CUX1: variants seen among roughly 807,000 people sequenced by gnomAD.
The protein encoded by CUX1 is protein CASP.
In CUX1, 31 loss-of-function variants were observed where a neutral mutation model predicts 158.8. The observed-to-expected ratio is 0.20, with a 90% CI of 0.15 to 0.26. The LOEUF is 0.26. CUX1 is among the 10% of genes least tolerant of loss of function. CUX1 has a pLI of 1.00. For synonymous variants in CUX1, 879 were observed against 862.1 expected (o/e 1.02, Z -0.34); for missense variants, 1,589 against 2,014.6 (o/e 0.79, Z 4.04).
intron 2 of CUX1, among the ~76,000 whole-genome samples, chr7:101,958,395 T>C (rs1810023026): frequency 6.6e-6 from 1 of 150,632 alleles, no homozygotes; most frequent in Non-Finnish European, 1.5e-5. Context: ...AGCAGCAAGA[T>C]GTGAGAATAT....
chr7:102,162,274 AC>A (rs1790522312), intron 9 of CUX1, among the ~76,000 whole-genome samples: 1 of 151,980 alleles, frequency 6.6e-6, no homozygotes, highest in Non-Finnish European at 1.5e-5. Flanking sequence ...GCGAGAGGAA[AC>A]TTTTTTGTTT....
intron 22 of CUX1, among the ~76,000 whole-genome samples, chr7:102,238,832 G>T (rs1205318529): frequency 1.3e-5 from 2 of 152,210 alleles, no homozygotes; most frequent in African/African-American, 2.4e-5. Context: ...GCAGGTCCTT[G>T]GTGAGCATGT....
chr7:102,139,262 A>AC (rs1215436566), intron 8 of CUX1, among the ~76,000 whole-genome samples: 4 of 151,476 alleles, frequency 2.6e-5, no homozygotes, highest in Non-Finnish European at 4.4e-5. Flanking sequence ...AAAAAAAAAA[A>AC]AAAAAGGAAT....
intron 14 of CUX1, among the ~76,000 whole-genome samples, chr7:102,273,193 C>T (rs960783278): frequency 6.6e-6 from 1 of 152,136 alleles, no homozygotes; most frequent in Non-Finnish European, 1.5e-5. Flanking sequence ...GGAGGAGGCC[C>T]TAGGTCTAAT....
At chr7:101,951,435 T>C (rs1243140888) in intron 2 of CUX1, among the ~76,000 whole-genome samples, 1 of 152,106 alleles carries the variant, frequency 6.6e-6, no homozygotes, top group Non-Finnish European at 1.5e-5. Flanking sequence ...CTATAAACTC[T>C]TGCAGAAAAG....
intron 4 of CUX1, among the ~76,000 whole-genome samples, chr7:102,082,887 TATGA>T (rs1478317521): frequency 6.8e-6 from 1 of 147,676 alleles, no homozygotes; most frequent in East Asian, 1.9e-4. Flanking sequence ...TTGTGGGTAT[TATGA>T]ATCAGTCTAT....
chr7:101,978,087 G>A (rs978888908), intron 2 of CUX1, among the ~76,000 whole-genome samples: 4 of 152,010 alleles, frequency 2.6e-5, no homozygotes, highest in East Asian at 3.9e-4. Flanking sequence ...CATAAGTCTC[G>A]GGGACCTGCC....
chr7:102,005,853 A>G (rs1321286086), intron 2 of CUX1, among the ~76,000 whole-genome samples: 9 of 152,118 alleles, frequency 5.9e-5, no homozygotes, highest in Admixed American at 5.9e-4. Context: ...GGCCCTTTCG[A>G]TGAAGTAAGA....
At position 101,817,857 on chromosome 7, in the gene CUX1, A is replaced by G. The variant is rs764252670; in HGVS notation, c.30+188A>G. ...CCCAACTGCTAAGGTGTGCGTGAAGATAAACTTGGCTGAACTTTCCTAACC... is the reference window on the plus strand; with the variant it reads ...CCCAACTGCTAAGGTGTGCGTGAAGGTAAACTTGGCTGAACTTTCCTAACC... On this transcript the variant is annotated intron_variant, in intron 1 of 23. Coordinates refer to ENST00000292535, the MANE Select transcript of CUX1 (RefSeq NM_181552.4). This position sits in a 1 kb window ranked among gnomAD's most constrained non-coding sequence, Gnocchi z 4.1. Among the ~76,000 whole-genome samples, 1 of 152,214 alleles carries G rather than the reference A, an allele frequency of 6.6e-6. No individual in the cohort carries two copies. Among genetic ancestry groups the G allele is most frequent in the Non-Finnish European group, 1.5e-5 (1 of 68,038 alleles).
chr7:102,139,244 T>TAA (rs11459794), intron 8 of CUX1, among the ~76,000 whole-genome samples: 6,558 of 92,848 alleles, frequency 0.071, 363 homozygotes, highest in Middle Eastern at 0.14. Flanking sequence ...GACTACATCT[T>TAA]AAAAAAAAAA....
At chr7:102,113,019 C>T (rs1831090629) in intron 7 of CUX1, among the ~76,000 whole-genome samples, 1 of 151,540 alleles carries the variant, frequency 6.6e-6, no homozygotes, top group South Asian at 2.1e-4. Context: ...ATTTGACAAA[C>T]GGATAATTAA....
chr7:102,268,599 T>A (rs1790978166), intron 14 of CUX1, among the ~76,000 whole-genome samples: 1 of 152,208 alleles, frequency 6.6e-6, no homozygotes, highest in Non-Finnish European at 1.5e-5. Flanking sequence ...TATTAGCTGT[T>A]CTTGCATTGC....
rs986311123 is a variant in CUX1 at position 102,128,372 on chromosome 7, C to G, written c.674+13099C>G. On this transcript the variant is annotated intron_variant, in intron 8 of 23. Transcript: ENST00000292535. Reference sequence around the variant, plus strand: ...CCCCAGGTGTGACCCCACAAAGCCCCTCCCTCGGCCGCAGCACCGGATTGG... The same window carrying G: ...CCCCAGGTGTGACCCCACAAAGCCCGTCCCTCGGCCGCAGCACCGGATTGG... 4.1e-4 allele frequency among the ~76,000 whole-genome samples: 62 copies of G among 152,108 alleles called. 1 individual carries two copies. The highest frequency in any genetic ancestry group is 1.2e-4 in the Non-Finnish European group (8 of 68,026).
Position 101,855,707 on chromosome 7 carries a change from G to T in CUX1, c.30+38038G>T, listed in dbSNP as rs1347989030. Among the ~76,000 whole-genome samples, 4 of 151,318 alleles carry T rather than the reference G, an allele frequency of 2.6e-5. 1 individual carries two copies. The highest frequency in any genetic ancestry group is 5.9e-5 in the Non-Finnish European group (4 of 67,848). On this transcript the variant is annotated intron_variant, in intron 1 of 23. Coordinates refer to ENST00000292535, the MANE Select transcript of CUX1 (RefSeq NM_181552.4). ...AGCCTGGCCAACATGGTGAAACCCCGTCTCTACTAAAAATACAAAAATTAG... is the reference window on the plus strand; with the variant it reads ...AGCCTGGCCAACATGGTGAAACCCCTTCTCTACTAAAAATACAAAAATTAG...
chr7:101,979,673 G>T (rs1034720178), intron 2 of CUX1, among the ~76,000 whole-genome samples: 14 of 151,230 alleles, frequency 9.3e-5, no homozygotes, highest in African/African-American at 3.4e-4. Context: ...TTTTTGAGAC[G>T]GAGTCTTGCT....
intron 2 of CUX1, among the ~76,000 whole-genome samples, chr7:101,936,431 T>C (rs972703183): frequency 2.6e-5 from 4 of 151,968 alleles, no homozygotes; most frequent in East Asian, 1.9e-4. Context: ...TGGGAGGAGA[T>C]GGGATCCGGC....
chr7:102,011,449 C>T (rs1202753219), intron 2 of CUX1, among the ~76,000 whole-genome samples: 1 of 151,852 alleles, frequency 6.6e-6, no homozygotes, highest in Admixed American at 6.6e-5. Flanking sequence ...TGCTTGCTTG[C>T]TTGCTTATTT....
chr7:101,861,838 T>A (rs1471916274), intron 1 of CUX1, among the ~76,000 whole-genome samples: 1 of 151,336 alleles, frequency 6.6e-6, no homozygotes, highest in Non-Finnish European at 1.5e-5. Flanking sequence ...GATCTCGGCT[T>A]ACTGCAACCT....
At chr7:102,267,828 G>A (rs1369816176) in intron 14 of CUX1, among the ~76,000 whole-genome samples, 10 of 152,076 alleles carry the variant, frequency 6.6e-5, no homozygotes, top group African/African-American at 1.9e-4. Flanking sequence ...CACCATGCCC[G>A]GCTAAGTTTT....
Sources: allele counts gnomAD v4.1 joint callset (sites outside exome capture counted in the v4.1 genomes callset), GRCh38; gene constraint gnomAD v4.1.1; non-coding constraint Gnocchi (gnomAD v3.1); transcripts MANE v1.5; gene names NCBI Gene and HGNC (gene_info 2026-07-23, HGNC 2026-07-21).